Variants in DIAPH3 observed in about 807,000 individuals in gnomAD.
DIAPH3 encodes the protein protein diaphanous homolog 3.
In DIAPH3, 117 loss-of-function variants were observed where a neutral mutation model predicts 144.3. That is an observed-to-expected ratio of 0.81 (90% CI 0.70 to 0.95). The LOEUF (loss-of-function observed/expected upper bound fraction) is 0.95, where lower values mean the gene tolerates loss of function less well. Among genes scored for constraint, DIAPH3 ranks in the 40% least tolerant of loss-of-function variants. DIAPH3 has a pLI of 0.00. For synonymous variants in DIAPH3, 519 were observed against 488.9 expected (o/e 1.06, Z -0.81); for missense variants, 1,421 against 1,412.7 (o/e 1.01, Z -0.09).
At chr13:60,106,014 T>C (rs1396382442) in intron 3 of DIAPH3, among the ~76,000 whole-genome samples, 1 of 152,018 alleles carries the variant, frequency 6.6e-6, no homozygotes, top group Non-Finnish European at 1.5e-5. Flanking sequence ...GAAAGAAAAA[T>C]TGTCATTAGT....
chr13:59,812,892 T>C (rs2040562629), intron 24 of DIAPH3, among the ~76,000 whole-genome samples: 2 of 152,152 alleles, frequency 1.3e-5, no homozygotes, highest in African/African-American at 4.8e-5. Flanking sequence ...AGCACCTTTG[T>C]TTCGAACTAT....
At chr13:59,794,023 T>C (rs886466184) in intron 25 of DIAPH3, among the ~76,000 whole-genome samples, 5 of 152,176 alleles carry the variant, frequency 3.3e-5, no homozygotes, top group Non-Finnish European at 7.3e-5. Flanking sequence ...TGACTACCCA[T>C]ACAACCATTG....
At chr13:59,991,105 A>G (rs907552829) in intron 12 of DIAPH3, 53 bp downstream of exon 12, 1 of 1,168,070 alleles carries the variant, frequency 8.6e-7, no homozygotes, top group African/African-American at 1.5e-5. Flanking sequence ...GAATTTCACA[A>G]TTAATAGATT....
At chr13:60,062,992 T>C (rs1430007699) in intron 4 of DIAPH3, among the ~76,000 whole-genome samples, 1 of 152,198 alleles carries the variant, frequency 6.6e-6, no homozygotes, top group African/African-American at 2.4e-5. Flanking sequence ...CAGACAACAA[T>C]GAAGTCTACT....
intron 1 of DIAPH3, among the ~76,000 whole-genome samples, chr13:60,160,425 GAA>G (rs1952238134): frequency 2.0e-5 from 3 of 152,184 alleles, no homozygotes; most frequent in Non-Finnish European, 4.4e-5. Context: ...GGCTCCCTTT[GAA>G]TGGACTGACC....
chr13:59,771,496 A>C (rs1167451877), intron 27 of DIAPH3, among the ~76,000 whole-genome samples: 1 of 147,322 alleles, frequency 6.8e-6, no homozygotes, highest in Non-Finnish European at 1.5e-5. Context: ...TTTGGGAAGA[A>C]GAGATGAGGC....
At chr13:59,789,088 G>A (rs575014819) in intron 25 of DIAPH3, among the ~76,000 whole-genome samples, 5 of 152,156 alleles carry the variant, frequency 3.3e-5, no homozygotes, top group Non-Finnish European at 7.3e-5. Context: ...TAGGGTCTAG[G>A]GTGCTGAACA....
chr13:59,704,508 T>A (rs1226263146), intron 27 of DIAPH3, among the ~76,000 whole-genome samples: 1 of 152,228 alleles, frequency 6.6e-6, no homozygotes, highest in Non-Finnish European at 1.5e-5. Context: ...TAGCACTCTT[T>A]ACCATCTAAC....
At chr13:59,739,374 A>T (rs2036324934) in intron 27 of DIAPH3, among the ~76,000 whole-genome samples, 1 of 152,176 alleles carries the variant, frequency 6.6e-6, no homozygotes. Context: ...CATATGTAAC[A>T]CTGTGAGCTG....
intron 4 of DIAPH3, among the ~76,000 whole-genome samples, chr13:60,056,688 A>G (rs1180531135): frequency 6.6e-6 from 1 of 151,842 alleles, no homozygotes; most frequent in Non-Finnish European, 1.5e-5. Context: ...CCTGGAAGAC[A>G]GTGTACAAGA....
chr13:59,910,690 C>T (rs1213024996), intron 20 of DIAPH3, among the ~76,000 whole-genome samples: 1 of 149,738 alleles, frequency 6.7e-6, no homozygotes, highest in East Asian at 2.0e-4. Context: ...GATTGCACCA[C>T]TTGCACTCCA....
At chr13:59,993,724 T>TAAAAAAAAAAAAAAAAA (rs2051999696) in intron 9 of DIAPH3, among the ~76,000 whole-genome samples, 1 of 42,478 alleles carries the variant, frequency 2.4e-5, no homozygotes, top group African/African-American at 1.1e-4. Flanking sequence ...AAAAAAAAAC[T>TAAAAAAAAAAAAAAAAA]TAACAGAATC....
intron 7 of DIAPH3, among the ~76,000 whole-genome samples, chr13:60,014,013 G>A (rs954366253): frequency 4.0e-5 from 6 of 151,888 alleles, no homozygotes; most frequent in African/African-American, 7.2e-5. Context: ...AATCTCTTAA[G>A]AGAAAAATAG....
At chr13:59,750,122 T>C (rs7999384) in intron 27 of DIAPH3, among the ~76,000 whole-genome samples, 44,432 of 152,032 alleles carry the variant, frequency 0.29, 6,990 homozygotes, top group African/African-American at 0.4. Flanking sequence ...TAGTGAGAAA[T>C]AGCTTGATAT....
intron 4 of DIAPH3, among the ~76,000 whole-genome samples, chr13:60,049,190 A>G (rs1329576868): frequency 1.3e-5 from 2 of 152,216 alleles, no homozygotes; most frequent in East Asian, 3.8e-4. Context: ...TTCTATTTAT[A>G]TGAAAAACCA....
intron 27 of DIAPH3, among the ~76,000 whole-genome samples, chr13:59,720,369 T>C (rs955815829): frequency 6.6e-6 from 1 of 152,150 alleles, no homozygotes; most frequent in Non-Finnish European, 1.5e-5. Flanking sequence ...AACTAAATTC[T>C]AAAAACTGTA....
intron 20 of DIAPH3, among the ~76,000 whole-genome samples, chr13:59,911,174 T>C (rs1052873557): frequency 1.3e-5 from 2 of 152,144 alleles, no homozygotes. Flanking sequence ...AAATTTTAAG[T>C]TGTAATACAT....
chr13:60,086,840 A>G (rs367699894), intron 4 of DIAPH3, among the ~76,000 whole-genome samples: 25 of 152,306 alleles, frequency 1.6e-4, no homozygotes, highest in African/African-American at 4.6e-4. Context: ...TAATATTACA[A>G]TATTAACAAA....
At chr13:59,927,032 G>A (rs1258088282) in intron 17 of DIAPH3, among the ~76,000 whole-genome samples, 1 of 152,078 alleles carries the variant, frequency 6.6e-6, no homozygotes, top group Non-Finnish European at 1.5e-5. Flanking sequence ...ATTTAAAACT[G>A]TTATATTCTC....
Sources: allele counts gnomAD v4.1 joint callset (sites outside exome capture counted in the v4.1 genomes callset), GRCh38; gene constraint gnomAD v4.1.1; transcripts MANE v1.5; gene names NCBI Gene and HGNC (gene_info 2026-07-23, HGNC 2026-07-21).